COL21A1: variants seen among roughly 807,000 people sequenced by gnomAD.
COL21A1 encodes collagen type XXI alpha 1 chain.
COL21A1 carries 149 observed loss-of-function variants against 137.9 expected under a neutral mutation model. That is an observed-to-expected ratio of 1.08 (90% CI 0.95 to 1.24). The LOEUF is 1.24. COL21A1 is among the 50% of genes most tolerant of loss of function. The pLI is 0.00. For synonymous variants in COL21A1, 456 were observed against 391.5 expected, an observed-to-expected ratio of 1.16 and a Z score of -1.95; for missense variants, 1,167 against 1,158.4, an observed-to-expected ratio of 1.01 and a Z score of -0.11.
rs561489696 is a variant in COL21A1, at chr6:56,367,254, T to A, written c.-39+26717A>T. Among the ~76,000 whole-genome samples the A allele has an allele frequency of 2.6e-5, 4 of 152,340 alleles. No individual in the cohort carries two copies. The East Asian group carries it at 7.7e-4, about 29-fold the overall frequency. Reference sequence around the variant, plus strand: ...TACACAATAGCCTCTCCCTTCCTCCTGGCTGGTAGAATCTCAATACTCTTT... The same window carrying A: ...TACACAATAGCCTCTCCCTTCCTCCAGGCTGGTAGAATCTCAATACTCTTT... On this transcript the variant is annotated intron_variant, in intron 1 of 28. Transcript: ENST00000370819.
intron 1 of COL21A1, among the ~76,000 whole-genome samples, chr6:56,197,563 T>C (rs1329008761): frequency 6.6e-6 from 1 of 152,082 alleles, no homozygotes; most frequent in Non-Finnish European, 1.5e-5. Context: ...TAGACAATTT[T>C]CCAAAGAAGA....
At chr6:56,301,066 A>C (rs1433121100) in intron 1 of COL21A1, among the ~76,000 whole-genome samples, 1 of 152,170 alleles carries the variant, frequency 6.6e-6, no homozygotes, top group Admixed American at 6.5e-5. Flanking sequence ...ATTATAAGGC[A>C]AGGCAGAATA....
rs1238447887 is a variant in COL21A1 at position 56,097,986 on chromosome 6, T to A, written c.1812+3486A>T. On this transcript the variant is annotated intron_variant, in intron 17 of 29. Transcript: ENST00000244728. Reference sequence around the variant, plus strand: ...ATATAAATATATAAATATATATAAATATATATGTAAATATATAAATATATA... The same window carrying A: ...ATATAAATATATAAATATATATAAAAATATATGTAAATATATAAATATATA... Among the ~76,000 whole-genome samples the A allele has an allele frequency of 2.9e-3, 134 of 45,838 alleles. 4 individuals are homozygous for A. Among genetic ancestry groups the A allele is most frequent in the African/African-American group, 0.013 (101 of 7,836 alleles). 30.1% of individuals were successfully genotyped at this position (45,838 alleles called of 152,430 possible).
intron 1 of COL21A1, among the ~76,000 whole-genome samples, chr6:56,204,671 G>A (rs1050749540): frequency 1.4e-4 from 21 of 152,148 alleles, no homozygotes; most frequent in African/African-American, 3.6e-4. Flanking sequence ...CCTGACCCCC[G>A]TGTATCCTGA....
intron 1 of COL21A1, among the ~76,000 whole-genome samples, chr6:56,220,509 C>T (rs1780762848): frequency 6.6e-6 from 1 of 152,068 alleles, no homozygotes; most frequent in Non-Finnish European, 1.5e-5. Flanking sequence ...TTGTGAAAAA[C>T]CTTTATGTTT....
At chr6:56,324,615 G>A (rs1198671372) in intron 1 of COL21A1, among the ~76,000 whole-genome samples, 7 of 151,972 alleles carry the variant, frequency 4.6e-5, no homozygotes, top group African/African-American at 1.4e-4. Flanking sequence ...GCACACATCT[G>A]ATCATGGTGA....
intron 1 of COL21A1, among the ~76,000 whole-genome samples, chr6:56,202,338 G>C (rs1779466546): frequency 6.6e-6 from 1 of 152,032 alleles, no homozygotes; most frequent in African/African-American, 2.4e-5. Flanking sequence ...TTGGCTTCTA[G>C]CCATTTTTGA....
intron 17 of COL21A1, among the ~76,000 whole-genome samples, chr6:56,079,111 C>T (rs1562161133): frequency 6.6e-6 from 1 of 151,680 alleles, no homozygotes; most frequent in Non-Finnish European, 1.5e-5. Flanking sequence ...TGAAACCACC[C>T]TGTGACCTCC....
intron 1 of COL21A1, among the ~76,000 whole-genome samples, chr6:56,190,914 A>G (rs955356688): frequency 6.6e-6 from 1 of 152,136 alleles, no homozygotes; most frequent in Non-Finnish European, 1.5e-5. Flanking sequence ...ACCTAGCATG[A>G]TATTAGCATC....
chr6:56,113,805 A>T (rs1582391358), intron 16 of COL21A1, among the ~76,000 whole-genome samples: 1 of 152,118 alleles, frequency 6.6e-6, no homozygotes, highest in Admixed American at 6.5e-5. Context: ...GCATTTCTGG[A>T]CCTGCCTTGG....
At position 56,074,292 on chromosome 6, in the gene COL21A1, T is replaced by G. The variant is rs762409634; in HGVS notation, c.1912-7A>C. 1.9e-5 allele frequency: 29 copies of G among 1,567,104 alleles called. No individual in the cohort carries two copies. Among genetic ancestry groups the G allele is most frequent in the Non-Finnish European group, 2.3e-5 (27 of 1,156,718 alleles). ...CATTGCTTCCCATTAAACCCTACAATTTTAAAAAGGAATTTCAAGAGTAAC... is the reference window on the plus strand; with the variant it reads ...CATTGCTTCCCATTAAACCCTACAAGTTTAAAAAGGAATTTCAAGAGTAAC... On this transcript the variant is annotated splice_region_variant and splice_polypyrimidine_tract_variant and intron_variant, in intron 19 of 29. Transcript: ENST00000244728.
At chr6:56,164,790 G>A (rs1776447219) in intron 8 of COL21A1, 24 bp downstream of exon 8, 2 of 1,557,390 alleles carry the variant, frequency 1.3e-6, no homozygotes, top group Non-Finnish European at 1.7e-6. Context: ...TTACCTTAAG[G>A]GGAACAATAG....
chr6:56,288,411 G>A (rs188290198), intron 1 of COL21A1, among the ~76,000 whole-genome samples: 19 of 152,058 alleles, frequency 1.2e-4, no homozygotes, highest in African/African-American at 1.9e-4. Context: ...CAATTATAGC[G>A]AAATCATAAA....
intron 1 of COL21A1, among the ~76,000 whole-genome samples, chr6:56,293,145 C>T (rs972464829): frequency 3.3e-5 from 5 of 152,118 alleles, no homozygotes; most frequent in African/African-American, 1.2e-4. Context: ...TATATTTGTG[C>T]ATGTTCAGTT....
rs989036542 is a variant in COL21A1, at chr6:56,124,378, G to A, written c.1651-86C>T. ...AAAACTTAAATAGAAAAGCTACTAA[G>A]TTAACATCATTATGTAGTAAAAACT... On this transcript the variant is annotated intron_variant, in intron 14 of 29. Transcript: ENST00000244728. 15 of 1,255,724 alleles carry A rather than the reference G, an allele frequency of 1.2e-5. No individual in the cohort carries two copies. In the African/African-American group the frequency reaches 2.1e-4, roughly 17 times the overall value. The allele number at this position is 1,255,724 out of a possible 1,614,324, so 77.8% of individuals were successfully genotyped here.
chr6:56,075,984 T>G (rs1767202340), intron 18 of COL21A1, among the ~76,000 whole-genome samples: 1 of 151,526 alleles, frequency 6.6e-6, no homozygotes, highest in Admixed American at 6.6e-5. Flanking sequence ...AGAAGGAACA[T>G]CCTCTGTGAG....
At chr6:56,167,428 C>T (rs1466212787) in intron 6 of COL21A1, among the ~76,000 whole-genome samples, 1 of 152,134 alleles carries the variant, frequency 6.6e-6, no homozygotes, top group Admixed American at 6.5e-5. Flanking sequence ...AGGCCCAGCA[C>T]CTGTTAATGT....
At position 56,126,164 on chromosome 6, in the gene COL21A1, G is replaced by A; in HGVS notation, c.1543-15C>T. On this transcript the variant is annotated splice_polypyrimidine_tract_variant and intron_variant, in intron 12 of 29. Transcript: ENST00000244728. Reference sequence around the variant, plus strand: ...CCACGATCACCCTGAAAATAAAACTGAAATTAATTACAAAGAAAAACCATT... The same window carrying A: ...CCACGATCACCCTGAAAATAAAACTAAAATTAATTACAAAGAAAAACCATT... 1 of 1,524,870 alleles carries A rather than the reference G, an allele frequency of 6.6e-7. No homozygotes were observed. Among genetic ancestry groups the A allele is most frequent in the Non-Finnish European group, 8.9e-7 (1 of 1,124,746 alleles). The allele number at this position is 1,524,870 out of a possible 1,614,324, so 94.5% of individuals were successfully genotyped here.
chr6:56,373,580 T>C (rs1018875152), intron 1 of COL21A1, among the ~76,000 whole-genome samples: 13 of 152,184 alleles, frequency 8.5e-5, no homozygotes, highest in Non-Finnish European at 1.5e-4. Flanking sequence ...CCAGCCTGGG[T>C]GACAGAGCGA....
Sources: allele counts gnomAD v4.1 joint callset (sites outside exome capture counted in the v4.1 genomes callset), GRCh38; gene constraint gnomAD v4.1.1; transcripts MANE v1.5; gene names NCBI Gene and HGNC (gene_info 2026-07-23, HGNC 2026-07-21).